OPCML: variants seen among roughly 807,000 people sequenced by gnomAD.
The protein encoded by OPCML is opioid binding protein/cell adhesion molecule like.
OPCML carries 13 observed loss-of-function variants against 37.8 expected under a neutral mutation model. That is an observed-to-expected ratio of 0.34 (90% CI 0.22 to 0.55). The LOEUF is 0.55. OPCML is among the 20% of genes least tolerant of loss of function. The probability of loss-of-function intolerance (pLI) is 0.91; values close to 1 mark genes in which losing one functional copy is unlikely to be tolerated. For missense variants in OPCML, 341 were observed against 435.6 expected (o/e 0.78, Z 1.93); for synonymous variants, 176 against 168.8 (o/e 1.04, Z -0.33).
intron 3 of OPCML, among the ~76,000 whole-genome samples, chr11:132,637,379 G>A (rs1020733154): frequency 1.3e-5 from 2 of 152,076 alleles, no homozygotes; most frequent in Non-Finnish European, 2.9e-5. Context: ...TCGTACGCTA[G>A]CCTTTCTCTG....
intron 1 of OPCML, among the ~76,000 whole-genome samples, chr11:133,250,573 GA>G (rs1941098638): frequency 6.6e-6 from 1 of 151,202 alleles, no homozygotes; most frequent in Non-Finnish European, 1.5e-5. Flanking sequence ...GGGAAGGAAG[GA>G]AGAAAATTAA....
chr11:132,927,723 C>A (rs372738248), intron 2 of OPCML, among the ~76,000 whole-genome samples: 2 of 151,890 alleles, frequency 1.3e-5, no homozygotes, highest in African/African-American at 4.8e-5. Flanking sequence ...CAATTTTATT[C>A]TTTCATAGGA....
intron 3 of OPCML, among the ~76,000 whole-genome samples, chr11:132,610,425 G>A (rs555863050): frequency 2.0e-5 from 3 of 152,236 alleles, no homozygotes; most frequent in South Asian, 2.1e-4. Flanking sequence ...TCCCATCTTC[G>A]TTGATGTCAT....
At chr11:133,142,251 A>C (rs1949834268) in intron 1 of OPCML, among the ~76,000 whole-genome samples, 1 of 152,234 alleles carries the variant, frequency 6.6e-6, no homozygotes, top group African/African-American at 2.4e-5. Flanking sequence ...ACTCATTAAT[A>C]AATAAATTCA....
intron 1 of OPCML, among the ~76,000 whole-genome samples, chr11:133,314,905 G>A (rs551113258): frequency 6.6e-6 from 1 of 152,300 alleles, no homozygotes; most frequent in Non-Finnish European, 1.5e-5. Context: ...GGCAATCAGC[G>A]TAACAGATGA....
intron 2 of OPCML, among the ~76,000 whole-genome samples, chr11:132,681,652 G>T (rs995508973): frequency 2.0e-5 from 3 of 152,048 alleles, no homozygotes; most frequent in African/African-American, 7.2e-5. Flanking sequence ...TCGGGTGTGG[G>T]TGCAAAAGAT....
intron 3 of OPCML, among the ~76,000 whole-genome samples, chr11:132,602,940 G>GC (rs1938023942): frequency 6.6e-6 from 1 of 152,222 alleles, no homozygotes; most frequent in African/African-American, 2.4e-5. Context: ...TCCACCTTGT[G>GC]CTTTGACTGC....
chr11:133,146,509 T>A (rs746176506), intron 1 of OPCML, among the ~76,000 whole-genome samples: 3 of 152,196 alleles, frequency 2.0e-5, no homozygotes, highest in Non-Finnish European at 4.4e-5. Flanking sequence ...GAGGCGGAGT[T>A]TCACTATGTT....
intron 1 of OPCML, chr11:133,005,092 C>G (rs1377053593): frequency 1.2e-5 from 12 of 985,256 alleles, no homozygotes; most frequent in Non-Finnish European, 1.4e-5. Context: ...TCCTTCATGG[C>G]TTCCCATGAA....
Position 132,657,249 on chromosome 11 carries a change from C to T in OPCML, c.217G>A (p.Asp73Asn). 1 of 1,614,250 alleles carries T rather than the reference C, an allele frequency of 6.2e-7. No individual in the cohort carries two copies. The highest frequency in any genetic ancestry group is 8.5e-7 in the Non-Finnish European group (1 of 1,180,048). ...NRSTILYAGN[D>N]KWSIDPRVII... ...ACACGAGGGTCTATGGACCACTTGT[C>T]ATTCCCAGCGTAGAGGATGGTGCTG... Residue 73 changes from aspartate to asparagine, a missense_variant, in exon 3 of 8, where the codon GAC becomes AAC. Asp to Asn is a conservative substitution (Grantham distance 23, BLOSUM62 1). Transcript: ENST00000524381.
In OPCML at chr11:132,683,354, G is replaced by A. The variant is rs191719485; in HGVS notation, c.147-26035C>T. ...TGCGCCACTGCACTCCAGCCTGGGT[G>A]AGAGAGTGAGACTCTGTCTCAAAAA... On this transcript the variant is annotated intron_variant, in intron 2 of 7. Transcript: ENST00000524381. 5.3e-5 allele frequency among the ~76,000 whole-genome samples: 8 copies of A among 152,290 alleles called. No individual in the cohort carries two copies. In the South Asian group the frequency reaches 1.7e-3, roughly 32 times the overall value.
chr11:133,315,488 G>A (rs150864340), intron 1 of OPCML, among the ~76,000 whole-genome samples: 1 of 152,288 alleles, frequency 6.6e-6, no homozygotes, highest in East Asian at 1.9e-4. Context: ...TGAGGCCATT[G>A]CTAGAATAAG....
intron 2 of OPCML, among the ~76,000 whole-genome samples, chr11:132,837,850 G>A (rs915264823): frequency 1.3e-5 from 2 of 152,186 alleles, no homozygotes; most frequent in Admixed American, 1.3e-4. Context: ...TCAGTACCAA[G>A]ACAGGCCCTC....
At chr11:132,480,218 G>A (rs991649511) in intron 4 of OPCML, among the ~76,000 whole-genome samples, 3 of 152,136 alleles carry the variant, frequency 2.0e-5, no homozygotes, top group African/African-American at 7.2e-5. Flanking sequence ...ACTACATGAA[G>A]AATGCAGAAG....
At chr11:132,711,070 G>T (rs1293739652) in intron 2 of OPCML, among the ~76,000 whole-genome samples, 1 of 152,110 alleles carries the variant, frequency 6.6e-6, no homozygotes, top group Non-Finnish European at 1.5e-5. Flanking sequence ...GAGACGTGGT[G>T]GGTGAACGAG....
At chr11:133,239,668 A>T (rs1353049216) in intron 1 of OPCML, among the ~76,000 whole-genome samples, 1 of 152,238 alleles carries the variant, frequency 6.6e-6, no homozygotes, top group African/African-American at 2.4e-5. Flanking sequence ...GCGGTGTGAC[A>T]TCCCCACGGA....
intron 1 of OPCML, among the ~76,000 whole-genome samples, chr11:133,428,060 T>G (rs767565254): frequency 6.6e-6 from 1 of 152,186 alleles, no homozygotes; most frequent in Non-Finnish European, 1.5e-5. Context: ...TGCAAAATCC[T>G]CATTGAAACA....
chr11:133,359,386 T>C (rs998940839), intron 1 of OPCML, among the ~76,000 whole-genome samples: 1 of 152,212 alleles, frequency 6.6e-6, no homozygotes, highest in Non-Finnish European at 1.5e-5. Flanking sequence ...CCTAATGATG[T>C]TGTCTTGGAA....
At chr11:132,588,660 A>T (rs1190058563) in intron 3 of OPCML, among the ~76,000 whole-genome samples, 4 of 152,128 alleles carry the variant, frequency 2.6e-5, no homozygotes, top group Non-Finnish European at 5.9e-5. Flanking sequence ...TCTCTATGGG[A>T]ATGGCTTTTA....
Sources: gnomAD v4.1 joint callset for allele counts (sites outside exome capture counted in the v4.1 genomes callset) on GRCh38, gnomAD v4.1.1 for gene constraint, MANE v1.5 for transcripts, NCBI Gene and HGNC (gene_info 2026-07-23, HGNC 2026-07-21) for gene names.